The following HYDIN variants were observed in gnomAD, a reference collection of about 807,000 sequenced individuals.
The protein encoded by HYDIN is axonemal central pair apparatus protein HYDIN.
Under a neutral mutation model 403.9 loss-of-function variants are expected in HYDIN, and 132 were observed. The ratio of observed to expected loss-of-function variants is 0.33; its 90% CI spans 0.28 to 0.38. HYDIN has a LOEUF of 0.38. HYDIN is among the 10% of genes least tolerant of loss of function. HYDIN has a pLI of 1.00. For missense variants in HYDIN, 2,827 were observed against 5,009.5 expected, an observed-to-expected ratio of 0.56 and a Z score of 13.15; for synonymous variants, 1,202 against 1,891.7, an observed-to-expected ratio of 0.64 and a Z score of 9.46.
chr16:71,208,314 A>T (rs1291627485), intron 1 of HYDIN, among the ~76,000 whole-genome samples: 1 of 152,220 alleles, frequency 6.6e-6, no homozygotes, highest in African/African-American at 2.4e-5. Context: ...CTGCTGCCAA[A>T]TGAGTCTTGG....
At chr16:70,910,322 T>C (rs1471608232) in intron 47 of HYDIN, among the ~76,000 whole-genome samples, 3 of 152,110 alleles carry the variant, frequency 2.0e-5, no homozygotes, top group African/African-American at 7.2e-5. Flanking sequence ...CACATATCAG[T>C]GAGAACATAC....
chr16:71,157,625 G>A (rs1426804348), intron 6 of HYDIN, among the ~76,000 whole-genome samples: 1 of 152,252 alleles, frequency 6.6e-6, no homozygotes, highest in Non-Finnish European at 1.5e-5. Flanking sequence ...GGTAGGACTT[G>A]AGGCAACTCA....
intron 7 of HYDIN, among the ~76,000 whole-genome samples, chr16:71,138,652 A>G (rs1160173539): frequency 6.6e-6 from 1 of 152,130 alleles, no homozygotes; most frequent in South Asian, 2.1e-4. Flanking sequence ...AGTGAAATGT[A>G]ACAATCTGAT....
intron 23 of HYDIN, among the ~76,000 whole-genome samples, chr16:70,997,789 T>A (rs2079577895): frequency 1.3e-5 from 2 of 151,840 alleles, no homozygotes; most frequent in African/African-American, 4.8e-5. Flanking sequence ...GCCTAACATT[T>A]GTTGAATGAA....
intron 36 of HYDIN, among the ~76,000 whole-genome samples, chr16:70,967,086 C>T (rs544776728): frequency 7.8e-4 from 119 of 151,898 alleles, no homozygotes; most frequent in African/African-American, 2.0e-3. Context: ...ATATTGCTCA[C>T]AAGAGGGAAT....
intron 18 of HYDIN, among the ~76,000 whole-genome samples, chr16:71,056,062 A>G (rs552417880): frequency 6.6e-6 from 1 of 151,416 alleles, no homozygotes; most frequent in Non-Finnish European, 1.5e-5. Flanking sequence ...CCCTGCATAC[A>G]AGCAGAGCGC....
intron 75 of HYDIN, among the ~76,000 whole-genome samples, chr16:70,843,492 G>A (rs1413269269): frequency 4.4e-4 from 60 of 135,366 alleles, no homozygotes; most frequent in African/African-American, 7.9e-4. Flanking sequence ...GAATAATGCT[G>A]CAATAAACAT....
At chr16:71,081,963 C>T (rs1237711165) in intron 12 of HYDIN, among the ~76,000 whole-genome samples, 1 of 124,386 alleles carries the variant, frequency 8.0e-6, no homozygotes, top group Non-Finnish European at 1.6e-5. Flanking sequence ...GTTGTTTATC[C>T]AACCACTGAA....
intron 36 of HYDIN, among the ~76,000 whole-genome samples, chr16:70,969,028 T>G (rs1486465705): frequency 6.6e-6 from 1 of 151,772 alleles, no homozygotes; most frequent in Non-Finnish European, 1.5e-5. Flanking sequence ...GTGGGCAGAA[T>G]GAAATGGATG....
At chr16:70,940,471 T>A (rs2143876873) in intron 43 of HYDIN, among the ~76,000 whole-genome samples, 1 of 151,902 alleles carries the variant, frequency 6.6e-6, no homozygotes. Context: ...AACATGAGAT[T>A]TTAGTGTAAT....
chr16:70,822,753 G>A (rs2036348105), intron 83 of HYDIN, among the ~76,000 whole-genome samples: 1 of 152,152 alleles, frequency 6.6e-6, no homozygotes, highest in Non-Finnish European at 1.5e-5. Flanking sequence ...CCCTCCACCA[G>A]CATAAAGATT....
At chr16:70,812,392 G>C (rs904383927) in intron 84 of HYDIN, among the ~76,000 whole-genome samples, 4 of 152,132 alleles carry the variant, frequency 2.6e-5, no homozygotes, top group African/African-American at 9.7e-5. Flanking sequence ...AGGAGGTTGA[G>C]GCATGAGAAT....
chr16:71,004,214 T>A (rs1163577638), intron 23 of HYDIN, among the ~76,000 whole-genome samples: 1 of 151,366 alleles, frequency 6.6e-6, no homozygotes, highest in African/African-American at 2.4e-5. Context: ...CTCAGGAGGC[T>A]GAGGCAGGAG....
chr16:71,223,802 C>T (rs1325253597), intron 1 of HYDIN, among the ~76,000 whole-genome samples: 3 of 152,036 alleles, frequency 2.0e-5, no homozygotes, highest in African/African-American at 7.2e-5. Context: ...GCAAGAATGG[C>T]CATAATTAAA....
intron 53 of HYDIN, among the ~76,000 whole-genome samples, chr16:70,896,537 A>G (rs1352891876): frequency 6.6e-6 from 1 of 151,428 alleles, no homozygotes; most frequent in African/African-American, 2.4e-5. Context: ...ATTGTTTTTT[A>G]TAGAGATGGG....
In HYDIN at chr16:70,805,367, C is replaced by T. The variant is rs1460584839; in HGVS notation, c.*2213G>A. Reference sequence around the variant, plus strand: ...AGGGCCTGCCTTTCTAACAAATTCCCAGGTGATGCTGATGCTGCAGGTCCA... The same window carrying T: ...AGGGCCTGCCTTTCTAACAAATTCCTAGGTGATGCTGATGCTGCAGGTCCA... On this transcript the variant is annotated 3_prime_UTR_variant, in exon 86 of 86. Coordinates refer to ENST00000393567, the MANE Select transcript of HYDIN (RefSeq NM_001270974.2). Among the ~76,000 whole-genome samples, 2 of 152,192 alleles carry T rather than the reference C, an allele frequency of 1.3e-5. No homozygotes were observed. Among genetic ancestry groups the T allele is most frequent in the African/African-American group, 4.8e-5 (2 of 41,436 alleles).
At chr16:70,974,377 C>G in intron 32 of HYDIN, 77 bp from the exon 33 acceptor site, 2 of 1,506,608 alleles carry the variant, frequency 1.3e-6, no homozygotes, top group East Asian at 2.3e-5. Flanking sequence ...AAAGCCCCCA[C>G]TGGGTCAGAA....
At chr16:70,903,035 G>C (rs1373926321) in intron 52 of HYDIN, among the ~76,000 whole-genome samples, 4 of 139,206 alleles carry the variant, frequency 2.9e-5, no homozygotes, top group Non-Finnish European at 6.1e-5. Flanking sequence ...TGACTCACTG[G>C]AGGTAAGAAA....
intron 44 of HYDIN, among the ~76,000 whole-genome samples, chr16:70,937,157 C>T (rs2456142): frequency 0.56 from 74,266 of 133,382 alleles, 21,399 homozygotes; most frequent in Non-Finnish European, 0.66. Context: ...TGTGTGTGTG[C>T]GCGTGTGTGG....
Sources: allele counts gnomAD v4.1 joint callset (sites outside exome capture counted in the v4.1 genomes callset), GRCh38; gene constraint gnomAD v4.1.1; transcripts MANE v1.5; gene names NCBI Gene and HGNC (gene_info 2026-07-23, HGNC 2026-07-21).